Variants in GALNT14 observed in about 807,000 individuals in gnomAD.
GALNT14 encodes UDP-GalNAc:polypeptide N-acetylgalactosaminyltransferase 14.
A neutral mutation model predicts 77.5 loss-of-function variants in GALNT14; 60 were observed. The observed-to-expected ratio is 0.77, with a 90% CI of 0.63 to 0.96. GALNT14 has a LOEUF of 0.96. GALNT14 is among the 40% of genes least tolerant of loss of function. GALNT14 has a pLI of 0.00. For synonymous variants in GALNT14, 280 were observed against 281.7 expected, an observed-to-expected ratio of 0.99 and a Z score of 0.06; for missense variants, 710 against 731.0, an observed-to-expected ratio of 0.97 and a Z score of 0.33.
rs1431587783 is a variant in GALNT14 at position 30,911,037 on chromosome 2, T to A, written c.1523A>T (p.His508Leu). ...DRQQWTKTGS[H>L]IEHIASHLCL... ...GAGGTGGGATGCTATGTGCTCGATGTGGGAACCAGTTTTGGTCCATTGCTG... is the reference window on the plus strand; with the variant it reads ...GAGGTGGGATGCTATGTGCTCGATGAGGGAACCAGTTTTGGTCCATTGCTG... Residue 508 changes from histidine to leucine, a missense_variant, in exon 15 of 15, where the codon CAC becomes CTC. By Grantham distance (99) the His-to-Leu change is moderately conservative. Transcript: ENST00000349752. 3.7e-6 allele frequency: 6 copies of A among 1,613,910 alleles called. No individual in the cohort carries two copies. Among genetic ancestry groups the A allele is most frequent in the Non-Finnish European group, 5.1e-6 (6 of 1,180,000 alleles).
chr2:31,137,725 C>G (rs551560689), intron 1 of GALNT14, among the ~76,000 whole-genome samples: 48 of 152,308 alleles, frequency 3.2e-4, no homozygotes, highest in African/African-American at 1.1e-3. Context: ...CGCAGGCGAG[C>G]GCGCGCCCAC....
intron 8 of GALNT14, among the ~76,000 whole-genome samples, chr2:30,943,677 C>G (rs1666515711): frequency 6.6e-6 from 1 of 152,200 alleles, no homozygotes; most frequent in African/African-American, 2.4e-5. Flanking sequence ...CTGATGTGAG[C>G]TGTGTGATGC....
the GALNT14 span, among the ~76,000 whole-genome samples, chr2:30,896,840 A>T: frequency 1.3e-4 from 19 of 150,982 alleles, no homozygotes; most frequent in African/African-American, 3.9e-4. Flanking sequence ...CACCCCCACA[A>T]TTGGAAAAAT....
intron 10 of GALNT14, among the ~76,000 whole-genome samples, chr2:30,931,789 G>A (rs554558226): frequency 6.6e-6 from 1 of 152,238 alleles, no homozygotes; most frequent in Admixed American, 6.5e-5. Flanking sequence ...ATGCCCTGCA[G>A]GAGGGCATTG....
At chr2:31,129,291 G>C (rs1678860208) in intron 1 of GALNT14, 1 of 734,770 alleles carries the variant, frequency 1.4e-6, no homozygotes, top group Non-Finnish European at 1.7e-6. Context: ...CAAAGTCGCA[G>C]TAAGGATCAA....
chr2:31,041,678 G>A (rs1490216034), intron 1 of GALNT14, among the ~76,000 whole-genome samples: 1 of 152,166 alleles, frequency 6.6e-6, no homozygotes, highest in Non-Finnish European at 1.5e-5. Flanking sequence ...AGGTGAGCAG[G>A]GAGGGGAAGG....
intron 1 of GALNT14, among the ~76,000 whole-genome samples, chr2:31,110,813 A>G (rs1677796274): frequency 1.3e-5 from 2 of 152,172 alleles, no homozygotes; most frequent in South Asian, 2.1e-4. Flanking sequence ...GACACGTATT[A>G]TCAACTCTCA....
At chr2:30,979,282 A>C (rs1313049980) in intron 2 of GALNT14, among the ~76,000 whole-genome samples, 1 of 152,196 alleles carries the variant, frequency 6.6e-6, no homozygotes, top group Admixed American at 6.5e-5. Flanking sequence ...GGAGACAACA[A>C]AATGGGAGTG....
intron 12 of GALNT14, 102 bp from the exon 13 acceptor site, chr2:30,924,365 G>A (rs1244954311): frequency 3.0e-5 from 39 of 1,284,098 alleles, no homozygotes; most frequent in Non-Finnish European, 4.1e-5. Context: ...GGCAGGGCTG[G>A]GCTGTTAGAA....
intron 1 of GALNT14, among the ~76,000 whole-genome samples, chr2:31,065,869 T>G (rs977647441): frequency 6.6e-6 from 1 of 152,244 alleles, no homozygotes; most frequent in East Asian, 1.9e-4. Context: ...AATATATTCA[T>G]GCCTTGTGAC....
intron 1 of GALNT14, among the ~76,000 whole-genome samples, chr2:31,007,486 T>C (rs1442092217): frequency 5.9e-5 from 9 of 152,210 alleles, no homozygotes; most frequent in African/African-American, 2.2e-4. Context: ...ACTGGTGGCA[T>C]GATCCCTTCT....
At chr2:31,090,874 GAAGT>G (rs139959216) in intron 1 of GALNT14, among the ~76,000 whole-genome samples, 65,604 of 151,606 alleles carry the variant, frequency 0.43, 14,545 homozygotes, top group Middle Eastern at 0.48. Flanking sequence ...GGCACTGTGA[GAAGT>G]AAGTAATGCA....
chr2:30,924,809 A>G lies in GALNT14; in HGVS notation c.1166T>C (p.Leu389Ser). 6.2e-7 allele frequency: 1 copy of G among 1,613,932 alleles called. No individual in the cohort carries two copies. Among genetic ancestry groups the G allele is most frequent in the Non-Finnish European group, 8.5e-7 (1 of 1,180,000 alleles). Reference protein sequence around the residue: ...ERPFGNVESRLDLRKNLRCQS... With the variant: ...ERPFGNVESRSDLRKNLRCQS... The stretch of plus-strand genomic sequence containing the variant: ...GCAGCGCAGATTCTTCCTCAGGTCC[A>G]ATCTGCTCTCAACACTGGGGGCAAC... Residue 389 changes from leucine to serine, a missense_variant, in exon 12 of 15, where the codon TTG becomes TCG. Transcript: ENST00000349752.
intron 1 of GALNT14, among the ~76,000 whole-genome samples, chr2:31,051,702 A>G (rs1257709112): frequency 1.3e-5 from 2 of 152,216 alleles, no homozygotes; most frequent in Admixed American, 6.5e-5. Flanking sequence ...GATCATGGGC[A>G]GGGATCAGAG....
intron 1 of GALNT14, among the ~76,000 whole-genome samples, chr2:31,021,329 A>G (rs1214474512): frequency 6.6e-6 from 1 of 151,356 alleles, no homozygotes; most frequent in Non-Finnish European, 1.5e-5. Context: ...TTTGCGACAG[A>G]GTTTTGCTCT....
At chr2:30,936,241 G>A (rs74792280) in intron 9 of GALNT14, among the ~76,000 whole-genome samples, 6,934 of 151,934 alleles carry the variant, frequency 0.046, 553 homozygotes, top group African/African-American at 0.16. Flanking sequence ...CCCCTCCCAG[G>A]GTCCTAGCCC....
downstream of GALNT14, among the ~76,000 whole-genome samples, chr2:30,907,298 T>C (rs1431030015): frequency 6.6e-6 from 1 of 151,778 alleles, no homozygotes; most frequent in East Asian, 1.9e-4. Context: ...ATCAACAAAA[T>C]TGATAGACCG....
At chr2:30,897,468 G>A in the GALNT14 span, among the ~76,000 whole-genome samples, 3 of 152,218 alleles carry the variant, frequency 2.0e-5, no homozygotes, top group Non-Finnish European at 2.9e-5. Context: ...ATTCAGGCGC[G>A]AGAGCTGAAC....
chr2:30,924,929 C>T (rs1423181862), intron 11 of GALNT14, 106 bp from the exon 12 acceptor site: 6 of 795,894 alleles, frequency 7.5e-6, no homozygotes, highest in African/African-American at 3.4e-5. Context: ...CGACCCATGC[C>T]CATGCTCTGT....
Sources: gnomAD v4.1 joint callset for allele counts (sites outside exome capture counted in the v4.1 genomes callset) on GRCh38, gnomAD v4.1.1 for gene constraint, MANE v1.5 for transcripts, NCBI Gene and HGNC (gene_info 2026-07-23, HGNC 2026-07-21) for gene names.